Variants in SLC22A15 observed in about 807,000 individuals in gnomAD.
The protein encoded by SLC22A15 is solute carrier family 22 member 15, also known as flipt 1.
SLC22A15 carries 45 observed loss-of-function variants against 62.7 expected under a neutral mutation model. The ratio of observed to expected loss-of-function variants is 0.72; its 90% CI spans 0.56 to 0.92. SLC22A15 has a LOEUF of 0.92. Among genes scored for constraint, SLC22A15 ranks in the 40% least tolerant of loss-of-function variants. The pLI, the probability that SLC22A15 is intolerant of heterozygous loss-of-function variation, is 0.00. For missense variants in SLC22A15, 622 were observed against 665.6 expected, an observed-to-expected ratio of 0.93 and a Z score of 0.72; for synonymous variants, 264 against 267.0, an observed-to-expected ratio of 0.99 and a Z score of 0.11.
At position 116,031,491 on chromosome 1, in the gene SLC22A15, C is replaced by A. The variant is rs1214566398; in HGVS notation, c.854C>A (p.Ala285Asp). The change falls in exon 6 of 12, where the codon GCC (alanine) becomes GAC (aspartate). Residue 285 changes from alanine to aspartate, a missense_variant. Transcript: ENST00000369503. ...TGCACGTTCTCACTAACACACCCAG[C>A]CAACAGGAGCTGCAGGGAGACTGGA... The part of the protein sequence containing the change: ...LKCTFSLTHP[A>D]NRSCRETGSF... The A allele has an allele frequency of 6.2e-7, 1 of 1,613,862 alleles. No homozygotes were observed. Among genetic ancestry groups the A allele is most frequent in the Non-Finnish European group, 8.5e-7 (1 of 1,179,882 alleles).
chr1:116,012,512 A>G (rs1488144772), intron 2 of SLC22A15, among the ~76,000 whole-genome samples: 1 of 152,220 alleles, frequency 6.6e-6, no homozygotes, highest in African/African-American at 2.4e-5. Context: ...GGAGGAAGGA[A>G]AAGAAAGAAA....
intron 8 of SLC22A15, among the ~76,000 whole-genome samples, chr1:116,051,288 G>T (rs904092463): frequency 6.6e-6 from 1 of 152,106 alleles, no homozygotes; most frequent in South Asian, 2.1e-4. Flanking sequence ...AAATCTGGAG[G>T]CATCTCACTA....
intron 2 of SLC22A15, among the ~76,000 whole-genome samples, chr1:116,012,537 G>A (rs1656323974): frequency 6.6e-6 from 1 of 152,190 alleles, no homozygotes; most frequent in Non-Finnish European, 1.5e-5. Flanking sequence ...GAGATGGCTT[G>A]TTTGTGTCAT....
At chr1:116,009,540 G>T (rs773906769) in intron 2 of SLC22A15, among the ~76,000 whole-genome samples, 3 of 152,184 alleles carry the variant, frequency 2.0e-5, no homozygotes, top group Non-Finnish European at 4.4e-5. Context: ...GTTGGCATCA[G>T]TTACACTTTA....
intron 1 of SLC22A15, among the ~76,000 whole-genome samples, chr1:115,991,457 T>C (rs1655137556): frequency 6.6e-6 from 1 of 152,242 alleles, no homozygotes; most frequent in Non-Finnish European, 1.5e-5. Context: ...TAAAATCTTA[T>C]TATGAACTGT....
Position 116,067,241 on chromosome 1 carries a change from T to TG in SLC22A15, c.*135dup. ...GAATGTACATAGATGGTACCTGGCA[T>TG]GGACTGATGTTTTTAGGCACAGAAG... is the stretch of plus-strand genomic sequence containing the variant. On this transcript the variant is annotated 3_prime_UTR_variant, in exon 12 of 12. Coordinates refer to ENST00000369503, the MANE Select transcript of SLC22A15 (RefSeq NM_018420.3). 1 of 651,208 alleles carries TG rather than the reference T, an allele frequency of 1.5e-6. No individual in the cohort carries two copies. Among genetic ancestry groups the TG allele is most frequent in the South Asian group, 2.0e-5 (1 of 50,614 alleles). The allele number at this position is 651,208 out of a possible 1,614,324, so 40.3% of individuals were successfully genotyped here.
intron 2 of SLC22A15, among the ~76,000 whole-genome samples, chr1:115,994,734 T>C (rs894583013): frequency 6.6e-6 from 1 of 152,228 alleles, no homozygotes; most frequent in African/African-American, 2.4e-5. Flanking sequence ...CTTCAGCGTG[T>C]ATTTACTAAA....
At chr1:115,993,426 A>AGTGT (rs1553216968) in intron 2 of SLC22A15, among the ~76,000 whole-genome samples, 265 of 123,102 alleles carry the variant, frequency 2.2e-3, no homozygotes, top group African/African-American at 9.9e-3. Flanking sequence ...TGAGTGTGTG[A>AGTGT]GAGTGTGTGT....
intron 8 of SLC22A15, among the ~76,000 whole-genome samples, chr1:116,050,190 T>C (rs1039781903): frequency 1.3e-5 from 2 of 152,144 alleles, no homozygotes; most frequent in African/African-American, 4.8e-5. Flanking sequence ...TACCAATCCT[T>C]TTGACACTAT....
chr1:116,062,080 G>T (rs925930533), intron 8 of SLC22A15, among the ~76,000 whole-genome samples: 1 of 152,098 alleles, frequency 6.6e-6, no homozygotes, highest in African/African-American at 2.4e-5. Context: ...GTAATGGTGG[G>T]TGCCTGTAAT....
At chr1:115,986,508 G>A (rs1483229044) in intron 1 of SLC22A15, among the ~76,000 whole-genome samples, 1 of 152,172 alleles carries the variant, frequency 6.6e-6, no homozygotes, top group African/African-American at 2.4e-5. Context: ...AGAGTGATTT[G>A]TTGAAGCCGT....
chr1:116,059,676 A>G (rs1392053981), intron 8 of SLC22A15, among the ~76,000 whole-genome samples: 1 of 152,212 alleles, frequency 6.6e-6, no homozygotes, highest in African/African-American at 2.4e-5. Flanking sequence ...TTTATGTATC[A>G]TAGCAGAGGA....
chr1:115,981,795 CTGTT>C (rs1055313330), intron 1 of SLC22A15, among the ~76,000 whole-genome samples: 1 of 152,204 alleles, frequency 6.6e-6, no homozygotes, highest in African/African-American at 2.4e-5. Context: ...CCATCCCTGG[CTGTT>C]TGACTTGTGC....
intron 1 of SLC22A15, among the ~76,000 whole-genome samples, chr1:115,982,481 C>T (rs1205423128): frequency 6.6e-6 from 1 of 152,136 alleles, no homozygotes; most frequent in African/African-American, 2.4e-5. Context: ...CGTTGCTATG[C>T]ATGTAAAGGA....
chr1:116,066,696 G>A lies in SLC22A15; in HGVS notation c.1542G>A (p.Leu514=), dbSNP rs956161614. ...AAGAAGCATTATCTTTACAGGCTTT[G>A]GACCCCCAACAGGTGTGATATTTTT... ...LGEEALSLQA[L]DPQQCVDKES... The change falls in exon 11 of 12, where the codon TTG becomes TTA. Residue 514 remains leucine (L), a synonymous_variant. Coordinates refer to ENST00000369503, the MANE Select transcript of SLC22A15 (RefSeq NM_018420.3). The A allele has an allele frequency of 1.2e-6, 2 of 1,612,072 alleles. No individual in the cohort carries two copies. Among genetic ancestry groups the A allele is most frequent in the African/African-American group, 2.7e-5 (2 of 74,832 alleles).
In SLC22A15 at chr1:116,066,541, C is replaced by G. The variant is rs902117970; in HGVS notation, c.1387C>G (p.Pro463Ala). 6.2e-7 allele frequency: 1 copy of G among 1,604,652 alleles called. No homozygotes were observed. Among genetic ancestry groups the G allele is most frequent in the Non-Finnish European group, 8.5e-7 (1 of 1,175,462 alleles). The part of the protein sequence containing the change: ...PSLKYVQWSL[P>A]FIVFGATGLT... ...GCAGAAATATGTGCAATGGTCTTTACCATTCATTGTCTTCGGAGCCACGGG... is the reference window on the plus strand; with the variant it reads ...GCAGAAATATGTGCAATGGTCTTTAGCATTCATTGTCTTCGGAGCCACGGG... The change falls in exon 11 of 12, where the codon CCA becomes GCA. Residue 463 changes from proline (P) to alanine (A), a missense_variant. Pro to Ala is a conservative substitution (Grantham distance 27, BLOSUM62 -1). Coordinates refer to ENST00000369503, the MANE Select transcript of SLC22A15 (RefSeq NM_018420.3).
At chr1:115,999,415 A>G (rs939167563) in intron 2 of SLC22A15, among the ~76,000 whole-genome samples, 16 of 151,170 alleles carry the variant, frequency 1.1e-4, no homozygotes, top group African/African-American at 3.6e-4. Context: ...CAACTATTGT[A>G]TTGGGGTTTA....
intron 8 of SLC22A15, among the ~76,000 whole-genome samples, chr1:116,054,422 A>G (rs1377956885): frequency 6.6e-6 from 1 of 151,970 alleles, no homozygotes; most frequent in East Asian, 1.9e-4. Context: ...TGAGTGACCT[A>G]CAAAGAGACT....
intron 8 of SLC22A15, among the ~76,000 whole-genome samples, chr1:116,049,382 G>T (rs1657998856): frequency 6.6e-6 from 1 of 152,036 alleles, no homozygotes; most frequent in Non-Finnish European, 1.5e-5. Context: ...TAAGAAATTT[G>T]AAATTATATC....
Sources: allele counts gnomAD v4.1 joint callset (sites outside exome capture counted in the v4.1 genomes callset), GRCh38; gene constraint gnomAD v4.1.1; transcripts MANE v1.5; gene names NCBI Gene and HGNC (gene_info 2026-07-23, HGNC 2026-07-21).